The following EXOC6B variants were observed in gnomAD, a reference collection of about 807,000 sequenced individuals.
EXOC6B encodes SEC15 homolog B.
A neutral mutation model predicts 113.5 loss-of-function variants in EXOC6B; 54 were observed. The observed-to-expected ratio is 0.48, with a 90% CI of 0.38 to 0.60. EXOC6B has a LOEUF of 0.60. Among genes scored for constraint, EXOC6B ranks in the 20% least tolerant of loss-of-function variants. The probability of loss-of-function intolerance (pLI) is 0.00; values close to 1 mark genes in which losing one functional copy is unlikely to be tolerated. For synonymous variants in EXOC6B, 357 were observed against 339.0 expected, an observed-to-expected ratio of 1.05 and a Z score of -0.58; for missense variants, 797 against 977.5, an observed-to-expected ratio of 0.82 and a Z score of 2.46.
At chr2:72,373,542 TA>T (rs1373261672) in intron 19 of EXOC6B, among the ~76,000 whole-genome samples, 1 of 152,060 alleles carries the variant, frequency 6.6e-6, no homozygotes, top group Non-Finnish European at 1.5e-5. Context: ...AACCCAAATA[TA>T]TAAGGAGACA....
At chr2:72,748,334 C>G (rs1681828183) in intron 1 of EXOC6B, among the ~76,000 whole-genome samples, 1 of 151,826 alleles carries the variant, frequency 6.6e-6, no homozygotes, top group Admixed American at 6.6e-5. Context: ...TTGTTTATTC[C>G]AAATGTTAAA....
intron 6 of EXOC6B, among the ~76,000 whole-genome samples, chr2:72,623,282 A>G (rs193088478): frequency 3.3e-4 from 50 of 152,308 alleles, no homozygotes; most frequent in Non-Finnish European, 6.3e-4. Flanking sequence ...ATAGATTTAC[A>G]TATCTATACC....
chr2:72,648,976 T>C (rs1055668537), intron 6 of EXOC6B, among the ~76,000 whole-genome samples: 2 of 152,090 alleles, frequency 1.3e-5, no homozygotes, highest in Non-Finnish European at 2.9e-5. Context: ...CCCCTGTCTC[T>C]ACAAAAATTT....
chr2:72,263,909 A>ACAGC (rs531669226), intron 20 of EXOC6B, among the ~76,000 whole-genome samples: 36 of 152,246 alleles, frequency 2.4e-4, no homozygotes, highest in East Asian at 2.3e-3. Flanking sequence ...AAGCATTCTG[A>ACAGC]CAGCCAGCCA....
At chr2:72,232,629 T>C (rs985284869) in intron 20 of EXOC6B, among the ~76,000 whole-genome samples, 2 of 152,174 alleles carry the variant, frequency 1.3e-5, no homozygotes, top group Admixed American at 1.3e-4. Context: ...AAAATAATGT[T>C]TGTGTAGTTG....
intron 10 of EXOC6B, 116 bp from the exon 11 acceptor site, chr2:72,513,368 T>G: frequency 7.5e-7 from 1 of 1,334,664 alleles, no homozygotes. Context: ...GGTCATTTTT[T>G]TCTTGAAGAA....
intron 20 of EXOC6B, among the ~76,000 whole-genome samples, chr2:72,286,221 T>C (rs2104690741): frequency 6.6e-6 from 1 of 152,352 alleles, no homozygotes; most frequent in Middle Eastern, 3.4e-3. Context: ...ACAGTCATAA[T>C]TGCTGAAACT....
At chr2:72,259,345 G>A (rs1683563989) in intron 20 of EXOC6B, among the ~76,000 whole-genome samples, 1 of 152,192 alleles carries the variant, frequency 6.6e-6, no homozygotes, top group Non-Finnish European at 1.5e-5. Context: ...TGTCCGTGTT[G>A]TTGTGTGTAT....
chr2:72,660,621 T>C (rs1455555996), intron 6 of EXOC6B, among the ~76,000 whole-genome samples: 12 of 152,234 alleles, frequency 7.9e-5, no homozygotes, highest in African/African-American at 2.9e-4. Context: ...ATTTAGCTCA[T>C]TTCCTGTAAA....
At chr2:72,515,734 G>T (rs1701180315) in intron 8 of EXOC6B, 3 of 986,558 alleles carry the variant, frequency 3.0e-6, no homozygotes, top group East Asian at 1.1e-4. Context: ...TCTGACTCAT[G>T]AGCTGTGTAC....
intron 1 of EXOC6B, among the ~76,000 whole-genome samples, chr2:72,764,032 T>A (rs1682906741): frequency 6.6e-6 from 1 of 152,086 alleles, no homozygotes; most frequent in Non-Finnish European, 1.5e-5. Flanking sequence ...TGAGCTGTGA[T>A]TGTACCCCTG....
At chr2:72,254,575 A>G (rs1004997818) in intron 20 of EXOC6B, among the ~76,000 whole-genome samples, 3 of 152,230 alleles carry the variant, frequency 2.0e-5, no homozygotes, top group African/African-American at 4.8e-5. Flanking sequence ...TAACTACAAC[A>G]TAAGTGCTGT....
chr2:72,451,678 G>GTGTGTGT (rs1696930002), intron 18 of EXOC6B, among the ~76,000 whole-genome samples: 2 of 151,988 alleles, frequency 1.3e-5, no homozygotes, highest in African/African-American at 4.8e-5. Flanking sequence ...GTGTGTGTGT[G>GTGTGTGT]TGTGTGTGTG....
chr2:72,617,645 C>A (rs1481480677), intron 6 of EXOC6B, among the ~76,000 whole-genome samples: 1 of 149,964 alleles, frequency 6.7e-6, no homozygotes, highest in African/African-American at 2.4e-5. Context: ...GCCTCCACCT[C>A]CAGATTACAG....
chr2:72,415,971 T>C (rs1226742859), intron 18 of EXOC6B, among the ~76,000 whole-genome samples: 4 of 152,194 alleles, frequency 2.6e-5, no homozygotes, highest in Non-Finnish European at 5.9e-5. Context: ...TAGGTTATGC[T>C]GCAGTAACAA....
At chr2:72,773,127 T>C (rs1476556526) in intron 1 of EXOC6B, among the ~76,000 whole-genome samples, 1 of 139,610 alleles carries the variant, frequency 7.2e-6, no homozygotes, top group Non-Finnish European at 1.5e-5. Flanking sequence ...TTTCTTTTTT[T>C]TTTTTTTTTT....
At chr2:72,335,158 C>T (rs1401059556) in intron 19 of EXOC6B, 138 bp from the exon 20 acceptor site, 6 of 707,528 alleles carry the variant, frequency 8.5e-6, no homozygotes, top group Middle Eastern at 4.0e-4. Flanking sequence ...TCTCTCCCTT[C>T]AGCTTCTTTG....
At chr2:72,729,743 C>A (rs1367192226) in intron 5 of EXOC6B, among the ~76,000 whole-genome samples, 2 of 151,870 alleles carry the variant, frequency 1.3e-5, no homozygotes, top group East Asian at 1.9e-4. Context: ...ATTTTAAATT[C>A]TCTATAATTT....
chr2:72,716,841 G>C (rs1349745001), intron 6 of EXOC6B, among the ~76,000 whole-genome samples: 4 of 151,980 alleles, frequency 2.6e-5, no homozygotes, highest in African/African-American at 9.7e-5. Context: ...AATTTCTCAA[G>C]CAGAGGCCTA....
Sources: allele counts gnomAD v4.1 joint callset (sites outside exome capture counted in the v4.1 genomes callset), GRCh38; gene constraint gnomAD v4.1.1; transcripts MANE v1.5; gene names NCBI Gene and HGNC (gene_info 2026-07-23, HGNC 2026-07-21).